TMTC1: variants seen among roughly 807,000 people sequenced by gnomAD.
TMTC1 encodes protein O-mannosyl-transferase TMTC1.
In TMTC1, 73 loss-of-function variants were observed where a neutral mutation model predicts 104.8. The ratio of observed to expected loss-of-function variants is 0.70; its 90% CI spans 0.58 to 0.85. The LOEUF is 0.85. Ranked by LOEUF, TMTC1 falls within the 40% of genes least tolerant of loss-of-function variation. The pLI, the probability that TMTC1 is intolerant of heterozygous loss-of-function variation, is 0.00. For synonymous variants in TMTC1, 434 were observed against 428.7 expected (o/e 1.01, Z -0.15); for missense variants, 1,035 against 1,096.1 (o/e 0.94, Z 0.79).
chr12:29,572,051 TAAAC>T, intron 9 of TMTC1, 50 bp downstream of exon 9: 1 of 1,423,632 alleles, frequency 7.0e-7, no homozygotes, highest in Non-Finnish European at 9.9e-7. Flanking sequence ...CCAAGTGAAA[TAAAC>T]AACGGTCTTT....
chr12:29,628,820 C>A (rs1264736196), intron 6 of TMTC1, among the ~76,000 whole-genome samples: 1 of 151,934 alleles, frequency 6.6e-6, no homozygotes, highest in South Asian at 2.1e-4. Context: ...CACCACTATG[C>A]CCAGCTAATT....
At chr12:29,540,011 C>A (rs1394638037) in intron 10 of TMTC1, among the ~76,000 whole-genome samples, 1 of 152,240 alleles carries the variant, frequency 6.6e-6, no homozygotes. Context: ...CTTAAGAAAA[C>A]GAAGAACATA....
chr12:29,624,781 C>CT lies in TMTC1; in HGVS notation c.1128+8365dup, dbSNP rs1937890211. ...AACTGTAAGCTCCATGCAGGTGGGACTTTCATTTTGTTCACTGTGCTAATC... is the reference window on the plus strand; with the variant it reads ...AACTGTAAGCTCCATGCAGGTGGGACTTTTCATTTTGTTCACTGTGCTAATC... On this transcript the variant is annotated intron_variant, in intron 6 of 17. Coordinates refer to ENST00000539277, the MANE Select transcript of TMTC1 (RefSeq NM_001193451.2). 2.0e-5 allele frequency among the ~76,000 whole-genome samples: 3 copies of CT among 152,166 alleles called. No individual in the cohort carries two copies. In the South Asian group the frequency reaches 6.2e-4, roughly 31 times the overall value.
rs73280569 is a variant in TMTC1, at chr12:29,517,037, T to A, written c.2169+390A>T. ...ATTCCCACATGGTTCAGGAAAAAAA[T>A]AACACACACTAATAATAGGTATATA... On this transcript the variant is annotated intron_variant, in intron 14 of 17. Coordinates refer to ENST00000539277, the MANE Select transcript of TMTC1 (RefSeq NM_001193451.2). Among the ~76,000 whole-genome samples the A allele has an allele frequency of 8.5e-3, 1,299 of 152,122 alleles. 16 individuals are homozygous for A. Among genetic ancestry groups the A allele is most frequent in the African/African-American group, 0.028 (1,151 of 41,500 alleles).
intron 9 of TMTC1, among the ~76,000 whole-genome samples, chr12:29,571,092 G>A (rs979136743): frequency 2.0e-5 from 3 of 152,186 alleles, no homozygotes; most frequent in South Asian, 2.1e-4. Context: ...GTTGGTAGAC[G>A]TACTTTAAGC....
chr12:29,551,829 A>C lies in TMTC1; in HGVS notation c.1676+5028T>G, dbSNP rs527308587. On this transcript the variant is annotated intron_variant, in intron 10 of 17. Coordinates refer to ENST00000539277, the MANE Select transcript of TMTC1 (RefSeq NM_001193451.2). ...GACATTTTAAATTCTAACCAAAGCC[A>C]ACAAGAATTAATATAAATTAAGAAT... is the stretch of plus-strand genomic sequence containing the variant. 4.2e-4 allele frequency among the ~76,000 whole-genome samples: 64 copies of C among 150,970 alleles called. 1 individual carries two copies. In the South Asian group the frequency reaches 0.013, roughly 30 times the overall value.
chr12:29,554,733 T>C (rs1945192741), intron 10 of TMTC1, among the ~76,000 whole-genome samples: 1 of 151,776 alleles, frequency 6.6e-6, no homozygotes, highest in Non-Finnish European at 1.5e-5. Context: ...TAGCCAGCCA[T>C]GGGGGGGCAT....
At chr12:29,543,982 G>T (rs966481014) in intron 10 of TMTC1, among the ~76,000 whole-genome samples, 4 of 152,122 alleles carry the variant, frequency 2.6e-5, no homozygotes, top group Non-Finnish European at 5.9e-5. Flanking sequence ...AGTGGCTCAT[G>T]CCTGTAATCT....
chr12:29,679,660 C>A (rs1365424891), intron 5 of TMTC1, among the ~76,000 whole-genome samples: 3 of 149,170 alleles, frequency 2.0e-5, no homozygotes, highest in Admixed American at 2.0e-4. Flanking sequence ...AAGTAGGAGG[C>A]TATATACATT....
intron 5 of TMTC1, among the ~76,000 whole-genome samples, chr12:29,704,867 C>T (rs1442313234): frequency 6.6e-6 from 1 of 152,176 alleles, no homozygotes; most frequent in Non-Finnish European, 1.5e-5. Flanking sequence ...AACTCTGGGC[C>T]TCTCACTTTT....
chr12:29,743,000 C>T (rs1478061142), intron 5 of TMTC1, among the ~76,000 whole-genome samples: 1 of 152,190 alleles, frequency 6.6e-6, no homozygotes, highest in African/African-American at 2.4e-5. Flanking sequence ...TTGGCTTTCG[C>T]ATAAAATAAA....
chr12:29,722,339 G>A (rs1160693016), intron 5 of TMTC1, among the ~76,000 whole-genome samples: 3 of 151,978 alleles, frequency 2.0e-5, no homozygotes, highest in Non-Finnish European at 4.4e-5. Context: ...ATGACATATT[G>A]GGCCATAAAA....
At chr12:29,590,413 C>T (rs964504929) in intron 7 of TMTC1, among the ~76,000 whole-genome samples, 2 of 152,174 alleles carry the variant, frequency 1.3e-5, no homozygotes, top group Non-Finnish European at 2.9e-5. Context: ...CACTAATCAG[C>T]GTGATTCAAT....
intron 6 of TMTC1, among the ~76,000 whole-genome samples, chr12:29,627,179 G>T (rs1447717544): frequency 1.3e-5 from 2 of 152,116 alleles, no homozygotes; most frequent in East Asian, 3.8e-4. Context: ...CCAACCTACG[G>T]AATGAGAGAC....
At chr12:29,607,460 A>G (rs1259865657) in intron 6 of TMTC1, among the ~76,000 whole-genome samples, 2 of 152,208 alleles carry the variant, frequency 1.3e-5, no homozygotes, top group Non-Finnish European at 2.9e-5. Context: ...GGCTTGAAAT[A>G]TCAATAAACG....
chr12:29,752,919 AG>A, intron 4 of TMTC1, among the ~76,000 whole-genome samples: 1 of 152,340 alleles, frequency 6.6e-6, no homozygotes, highest in East Asian at 1.9e-4. Flanking sequence ...GTTATTTTCT[AG>A]ATGTTGGAAA....
chr12:29,734,954 C>T (rs925938113), intron 5 of TMTC1, among the ~76,000 whole-genome samples: 2 of 152,180 alleles, frequency 1.3e-5, no homozygotes, highest in African/African-American at 4.8e-5. Flanking sequence ...CTGCTTCTCA[C>T]TAGTATCTGG....
At chr12:29,766,635 C>G (rs1305122077) in intron 2 of TMTC1, among the ~76,000 whole-genome samples, 1 of 152,130 alleles carries the variant, frequency 6.6e-6, no homozygotes, top group Non-Finnish European at 1.5e-5. Flanking sequence ...TATTCCTTAA[C>G]TTTGTTAAAA....
chr12:29,576,562 G>T lies in TMTC1; in HGVS notation c.1419-4344C>A, dbSNP rs1312744498. 2.0e-5 allele frequency among the ~76,000 whole-genome samples: 3 copies of T among 152,118 alleles called. No homozygotes were observed. The East Asian group carries it at 5.8e-4, about 29-fold the overall frequency. On this transcript the variant is annotated intron_variant, in intron 8 of 17. Transcript: ENST00000539277. ...ATACTGCATGATCTTACCTATATGT[G>T]AAATCTTAATAAATGAAATTGAACA...
Sources: allele counts gnomAD v4.1 joint callset (sites outside exome capture counted in the v4.1 genomes callset), GRCh38; gene constraint gnomAD v4.1.1; transcripts MANE v1.5; gene names NCBI Gene and HGNC (gene_info 2026-07-23, HGNC 2026-07-21).